The following CTNNA2 variants were observed in gnomAD, a reference collection of about 807,000 sequenced individuals.
The protein encoded by CTNNA2 is catenin alpha 2.
Under a neutral mutation model 101.0 loss-of-function variants are expected in CTNNA2, and 42 were observed. That is an observed-to-expected ratio of 0.42 (90% CI 0.32 to 0.54). The LOEUF is 0.54. CTNNA2 is among the 20% of genes least tolerant of loss of function. The pLI is 0.14. For missense variants in CTNNA2, 871 were observed against 1,223.1 expected (o/e 0.71, Z 4.29); for synonymous variants, 450 against 456.4 (o/e 0.99, Z 0.18).
intron 2 of CTNNA2, among the ~76,000 whole-genome samples, chr2:79,228,584 C>T (rs1159100376): frequency 1.3e-5 from 2 of 152,058 alleles, no homozygotes; most frequent in African/African-American, 4.8e-5. Context: ...TCCTTTAGCT[C>T]ATTTTTAAAT....
intron 2 of CTNNA2, among the ~76,000 whole-genome samples, chr2:79,277,430 A>T (rs1256364160): frequency 1.3e-5 from 2 of 151,982 alleles, no homozygotes; most frequent in Non-Finnish European, 2.9e-5. Context: ...CTACTATGAT[A>T]ATTATGGCAG....
At position 79,358,121 on chromosome 2, in the gene CTNNA2, T is replaced by C. The variant is rs1677548830; in HGVS notation, c.-317-15710T>C. Reference sequence around the variant, plus strand: ...GTGAAGATAAAAGAGATTTTTCTTCTTATTAAATGAAAACCTTTGAGCTTG... The same window carrying C: ...GTGAAGATAAAAGAGATTTTTCTTCCTATTAAATGAAAACCTTTGAGCTTG... On this transcript the variant is annotated intron_variant, in intron 3 of 21. Transcript: ENST00000466387. Among the ~76,000 whole-genome samples the C allele has an allele frequency of 2.0e-5, 3 of 152,284 alleles. No individual in the cohort carries two copies. The South Asian group carries it at 6.2e-4, about 32-fold the overall frequency.
chr2:80,287,326 A>C (rs1674857249), intron 7 of CTNNA2, among the ~76,000 whole-genome samples: 1 of 152,122 alleles, frequency 6.6e-6, no homozygotes, highest in African/African-American at 2.4e-5. Context: ...CTCCCGTGAT[A>C]CCTTATGTTT....
chr2:80,258,197 A>G (rs529033902), intron 7 of CTNNA2, among the ~76,000 whole-genome samples: 21 of 152,310 alleles, frequency 1.4e-4, no homozygotes, highest in African/African-American at 5.1e-4. Flanking sequence ...TGTCAGCTCT[A>G]TGTGTGAGCT....
chr2:79,721,173 G>T (rs1184774868), intron 2 of CTNNA2, among the ~76,000 whole-genome samples: 1 of 151,820 alleles, frequency 6.6e-6, no homozygotes, highest in Non-Finnish European at 1.5e-5. Flanking sequence ...AGAGACTTCT[G>T]CTCTGCATAT....
chr2:79,629,478 G>T (rs1055058120), intron 1 of CTNNA2, among the ~76,000 whole-genome samples: 2 of 152,108 alleles, frequency 1.3e-5, no homozygotes, highest in Non-Finnish European at 2.9e-5. Context: ...TTGCCATCGT[G>T]GTCCCAAACA....
chr2:80,495,939 CAAAAAAAAAAAAA>C (rs60582703), intron 9 of CTNNA2, among the ~76,000 whole-genome samples: 206 of 35,774 alleles, frequency 5.8e-3, no homozygotes, highest in African/African-American at 0.019. Flanking sequence ...GACTCTGTCT[CAAAAAAAAAAAAA>C]AAAAAAAAAA....
At chr2:80,436,871 G>T (rs1289847790) in intron 9 of CTNNA2, among the ~76,000 whole-genome samples, 1 of 152,098 alleles carries the variant, frequency 6.6e-6, no homozygotes, top group Non-Finnish European at 1.5e-5. Flanking sequence ...CCACTTTGAG[G>T]ATTGGATTTC....
chr2:80,311,008 A>G (rs986008460), intron 7 of CTNNA2, among the ~76,000 whole-genome samples: 1 of 151,928 alleles, frequency 6.6e-6, no homozygotes, highest in Non-Finnish European at 1.5e-5. Flanking sequence ...AGAGAAACAC[A>G]GAAGTGACAA....
chr2:80,022,867 A>C (rs1366971407), intron 7 of CTNNA2, among the ~76,000 whole-genome samples: 1 of 152,130 alleles, frequency 6.6e-6, no homozygotes, highest in East Asian at 1.9e-4. Flanking sequence ...CCTAATGACA[A>C]AGCCTTGAAG....
chr2:80,480,538 C>T (rs1686065627), intron 9 of CTNNA2, among the ~76,000 whole-genome samples: 1 of 152,030 alleles, frequency 6.6e-6, no homozygotes, highest in Non-Finnish European at 1.5e-5. Context: ...AGTATCGTTG[C>T]TTGTGAGAAA....
chr2:80,237,118 C>G (rs1204209248), intron 7 of CTNNA2, among the ~76,000 whole-genome samples: 1 of 152,158 alleles, frequency 6.6e-6, no homozygotes, highest in Non-Finnish European at 1.5e-5. Flanking sequence ...TCAGAAAACA[C>G]AGCCACAAAG....
At position 79,987,085 on chromosome 2, in the gene CTNNA2, CTT is replaced by C. The variant is rs34201114; in HGVS notation, c.1056+77294_1056+77295del. Among the ~76,000 whole-genome samples the C allele has an allele frequency of 7.7e-3, 1,178 of 152,248 alleles. 14 individuals are homozygous for C. Among genetic ancestry groups the C allele is most frequent in the African/African-American group, 0.025 (1,050 of 41,534 alleles). On this transcript the variant is annotated intron_variant, in intron 7 of 18. Coordinates refer to ENST00000402739, the MANE Select transcript of CTNNA2 (RefSeq NM_001282597.3). ...TGGTGTTTGGTGTCTTGTGGAACCA[CTT>C]TTTTTCCCCACTGGAAGCTGTCTCT...
intron 9 of CTNNA2, among the ~76,000 whole-genome samples, chr2:80,502,977 A>G (rs1253226140): frequency 6.6e-6 from 1 of 152,154 alleles, no homozygotes; most frequent in East Asian, 1.9e-4. Context: ...GACCAGTGTA[A>G]GCAACATAAC....
chr2:79,562,237 G>A (rs1177122737), intron 1 of CTNNA2, among the ~76,000 whole-genome samples: 1 of 151,972 alleles, frequency 6.6e-6, no homozygotes, highest in Non-Finnish European at 1.5e-5. Flanking sequence ...GTTATTTGGG[G>A]AATCTTAATT....
chr2:80,641,741 A>T (rs1558671520), intron 18 of CTNNA2, among the ~76,000 whole-genome samples: 1 of 152,144 alleles, frequency 6.6e-6, no homozygotes, highest in Non-Finnish European at 1.5e-5. Flanking sequence ...CAAGTAAAAT[A>T]CTTGTTGATG....
At chr2:79,999,797 G>A (rs898257010) in intron 7 of CTNNA2, among the ~76,000 whole-genome samples, 5 of 152,260 alleles carry the variant, frequency 3.3e-5, no homozygotes, top group African/African-American at 7.2e-5. Flanking sequence ...TAAGAGAGAT[G>A]GGCATTAAGC....
At chr2:80,556,130 A>C (rs905684048) in intron 12 of CTNNA2, among the ~76,000 whole-genome samples, 3 of 152,188 alleles carry the variant, frequency 2.0e-5, no homozygotes, top group African/African-American at 4.8e-5. Flanking sequence ...TTTCATATAG[A>C]TCATTTGATT....
chr2:79,609,558 G>C (rs1210307781), intron 1 of CTNNA2, among the ~76,000 whole-genome samples: 1 of 152,016 alleles, frequency 6.6e-6, no homozygotes, highest in African/African-American at 2.4e-5. Flanking sequence ...TACTATAAAG[G>C]TACAGTAATT....
Sources: allele counts gnomAD v4.1 joint callset (sites outside exome capture counted in the v4.1 genomes callset), GRCh38; gene constraint gnomAD v4.1.1; transcripts MANE v1.5; gene names NCBI Gene and HGNC (gene_info 2026-07-23, HGNC 2026-07-21).